Variants in GPC5 observed in about 807,000 individuals in gnomAD.
The protein encoded by GPC5 is glypican-5.
GPC5 carries 47 observed loss-of-function variants against 53.9 expected under a neutral mutation model. The ratio of observed to expected loss-of-function variants is 0.87; its 90% CI spans 0.69 to 1.11. GPC5 has a LOEUF of 1.11. GPC5 is among the 50% of genes most tolerant of loss of function. GPC5 has a pLI of 0.00. For synonymous variants in GPC5, 286 were observed against 263.3 expected, an observed-to-expected ratio of 1.09 and a Z score of -0.84; for missense variants, 748 against 713.1, an observed-to-expected ratio of 1.05 and a Z score of -0.56.
intron 2 of GPC5, among the ~76,000 whole-genome samples, chr13:91,544,638 A>G (rs1164024247): frequency 6.6e-6 from 1 of 152,150 alleles, no homozygotes; most frequent in Non-Finnish European, 1.5e-5. Flanking sequence ...CTAAAGAGTT[A>G]TATCTTTCAT....
At chr13:91,871,701 T>C (rs2039146607) in intron 5 of GPC5, among the ~76,000 whole-genome samples, 1 of 152,248 alleles carries the variant, frequency 6.6e-6, no homozygotes, top group Admixed American at 6.5e-5. Context: ...TTAAGTTTTT[T>C]TTTTTCAGCC....
At chr13:91,471,705 T>C (rs1882644165) in intron 2 of GPC5, among the ~76,000 whole-genome samples, 1 of 152,158 alleles carries the variant, frequency 6.6e-6, no homozygotes, top group Non-Finnish European at 1.5e-5. Flanking sequence ...TGACTCTTTA[T>C]CCTGACTCGG....
At chr13:91,659,918 C>T (rs2034944414) in intron 2 of GPC5, among the ~76,000 whole-genome samples, 1 of 152,142 alleles carries the variant, frequency 6.6e-6, no homozygotes, top group African/African-American at 2.4e-5. Context: ...CCTCTTTATT[C>T]AGAGCTTGCT....
At chr13:91,474,866 A>G (rs1882841636) in intron 2 of GPC5, among the ~76,000 whole-genome samples, 1 of 152,112 alleles carries the variant, frequency 6.6e-6, no homozygotes, top group Middle Eastern at 3.2e-3. Context: ...ACTTACACTT[A>G]TTGGATATTT....
chr13:92,707,801 T>C (rs543764398), intron 7 of GPC5, among the ~76,000 whole-genome samples: 1 of 152,230 alleles, frequency 6.6e-6, no homozygotes, highest in African/African-American at 2.4e-5. Flanking sequence ...AGGCAAGATC[T>C]CATATAAGTT....
intron 7 of GPC5, among the ~76,000 whole-genome samples, chr13:92,176,558 G>A (rs1171855569): frequency 6.6e-6 from 1 of 152,026 alleles, no homozygotes; most frequent in Admixed American, 6.6e-5. Flanking sequence ...TAAATGAAGG[G>A]TTTGACCCAA....
At chr13:91,478,880 A>AG (rs1883129597) in intron 2 of GPC5, among the ~76,000 whole-genome samples, 1 of 27,690 alleles carries the variant, frequency 3.6e-5, no homozygotes, top group Non-Finnish European at 6.7e-5. Context: ...ATATATACAC[A>AG]TTATATATAT....
intron 6 of GPC5, among the ~76,000 whole-genome samples, chr13:92,133,321 G>T (rs2352494): frequency 1.6e-4 from 24 of 152,132 alleles, no homozygotes; most frequent in Non-Finnish European, 3.5e-4. Flanking sequence ...GCCATCTGGC[G>T]TACACGAGGG....
intron 7 of GPC5, among the ~76,000 whole-genome samples, chr13:92,232,662 C>T (rs920327725): frequency 6.6e-5 from 10 of 152,142 alleles, no homozygotes; most frequent in Admixed American, 2.6e-4. Context: ...AGAGGCATCC[C>T]ATGGATTTGT....
intron 7 of GPC5, among the ~76,000 whole-genome samples, chr13:92,236,189 A>T (rs2042568306): frequency 6.6e-6 from 1 of 152,102 alleles, no homozygotes; most frequent in African/African-American, 2.4e-5. Context: ...TTTCTTACTA[A>T]GACTGCATGT....
intron 6 of GPC5, among the ~76,000 whole-genome samples, chr13:92,016,791 G>A (rs569673355): frequency 6.6e-6 from 1 of 150,752 alleles, no homozygotes; most frequent in East Asian, 2.0e-4. Context: ...GCAGTGGTGC[G>A]ATCTTGGCTC....
chr13:92,013,653 C>T (rs2040681455), intron 6 of GPC5, among the ~76,000 whole-genome samples: 1 of 152,162 alleles, frequency 6.6e-6, no homozygotes, highest in Non-Finnish European at 1.5e-5. Context: ...GGGACCTGCC[C>T]CTGTCTGCCT....
chr13:92,495,543 G>A (rs547812509), intron 7 of GPC5, among the ~76,000 whole-genome samples: 1 of 151,978 alleles, frequency 6.6e-6, no homozygotes, highest in Non-Finnish European at 1.5e-5. Flanking sequence ...CTCAGACTGG[G>A]GAGTTCAGAT....
chr13:91,947,808 C>CA (rs1483046044), intron 6 of GPC5, among the ~76,000 whole-genome samples: 2 of 152,118 alleles, frequency 1.3e-5, no homozygotes, highest in African/African-American at 4.8e-5. Flanking sequence ...CCCGTCCCCC[C>CA]AACCCCTGCA....
chr13:92,249,149 C>A (rs1250857979), intron 7 of GPC5, among the ~76,000 whole-genome samples: 1 of 152,030 alleles, frequency 6.6e-6, no homozygotes, highest in Non-Finnish European at 1.5e-5. Context: ...TCACTTCAAG[C>A]ATTTAACCTT....
In GPC5 at chr13:91,830,996, T is replaced by C. The variant is rs192534346; in HGVS notation, c.1280+74576T>C. On this transcript the variant is annotated intron_variant, in intron 5 of 7. Coordinates refer to ENST00000377067, the MANE Select transcript of GPC5 (RefSeq NM_004466.6). ...ATTATATATCCTATTATATATATAA[T>C]ATATATATCCTATTATATATATAAC... Among the ~76,000 whole-genome samples the C allele has an allele frequency of 7.4e-3, 1,005 of 136,086 alleles. 13 individuals carry two copies. Among genetic ancestry groups the C allele is most frequent in the African/African-American group, 0.026 (934 of 35,868 alleles). The allele number at this position is 136,086 out of a possible 152,430, so 89.3% of individuals were successfully genotyped here.
intron 6 of GPC5, among the ~76,000 whole-genome samples, chr13:91,992,927 C>T (rs1259581753): frequency 6.6e-6 from 1 of 152,112 alleles, no homozygotes; most frequent in Non-Finnish European, 1.5e-5. Flanking sequence ...GAAAAGTTAT[C>T]TCCACTTGTA....
intron 2 of GPC5, among the ~76,000 whole-genome samples, chr13:91,659,275 T>C (rs1019937760): frequency 2.0e-5 from 3 of 152,092 alleles, no homozygotes; most frequent in African/African-American, 7.2e-5. Flanking sequence ...TGCAAGCCAA[T>C]AGGGAGCTTG....
chr13:91,745,300 T>C (rs1166370853), intron 4 of GPC5, among the ~76,000 whole-genome samples: 1 of 152,094 alleles, frequency 6.6e-6, no homozygotes, highest in East Asian at 1.9e-4. Flanking sequence ...TGGAAGGTCT[T>C]TGAAAAGTGA....
Sources: gnomAD v4.1 joint callset for allele counts (sites outside exome capture counted in the v4.1 genomes callset) on GRCh38, gnomAD v4.1.1 for gene constraint, MANE v1.5 for transcripts, NCBI Gene and HGNC (gene_info 2026-07-23, HGNC 2026-07-21) for gene names.